The following CX3CR1 variants were observed in gnomAD, a reference collection of about 807,000 sequenced individuals.
The protein encoded by CX3CR1 is CX3C chemokine receptor 1.
For synonymous variants in CX3CR1, 168 were observed against 178.5 expected (o/e 0.94, Z 0.47); for missense variants, 363 against 432.4 (o/e 0.84, Z 1.42).
chr3:39,266,467 C>T lies in CX3CR1; in HGVS notation c.43G>A (p.Asp15Asn), dbSNP rs373233918. 9.3e-6 allele frequency: 15 copies of T among 1,614,102 alleles called. No homozygotes were observed. The highest frequency in any genetic ancestry group is 2.7e-5 in the African/African-American group (2 of 75,044). The change falls in exon 2 of 2, where the codon GAT becomes AAT. Residue 15 changes from aspartate (D) to asparagine (N), a missense_variant. Transcript: ENST00000399220. The stretch of plus-strand genomic sequence containing the variant: ...ATATAACAGGCCTCAGCCAAATCAT[C>T]GTACTCAAAGTTTTCTGTCACTGAT... ...PESVTENFEY[D>N]DLAEACYIGD...
upstream of CX3CR1, chr3:39,280,360 T>A (rs1350837009): frequency 1.0e-5 from 10 of 985,368 alleles, no homozygotes; most frequent in African/African-American, 1.7e-4. Flanking sequence ...CATGGGGCCC[T>A]CAGCTTCCCT....
At chr3:39,276,841 A>T (rs2040846210) in intron 1 of CX3CR1, among the ~76,000 whole-genome samples, 1 of 152,228 alleles carries the variant, frequency 6.6e-6, no homozygotes, top group Non-Finnish European at 1.5e-5. Context: ...AGATTCAGTC[A>T]AACTATAGGG....
chr3:39,268,293 A>G (rs754118968), intron 1 of CX3CR1, among the ~76,000 whole-genome samples: 3 of 152,316 alleles, frequency 2.0e-5, no homozygotes, highest in African/African-American at 7.2e-5. Flanking sequence ...TCAGGCTACA[A>G]TGCCCTTTTC....
upstream of CX3CR1, chr3:39,281,608 C>T (rs2040899850): frequency 7.5e-6 from 12 of 1,598,868 alleles, no homozygotes; most frequent in South Asian, 1.1e-4. Flanking sequence ...TCACCACTTA[C>T]CCCACTGGCC....
upstream of CX3CR1, among the ~76,000 whole-genome samples, chr3:39,283,117 C>G (rs2040918446): frequency 6.6e-6 from 1 of 152,196 alleles, no homozygotes; most frequent in Non-Finnish European, 1.5e-5. Context: ...TCTTGAACTC[C>G]TGAGTTTGAG....
At chr3:39,292,514 T>C in the CX3CR1 span, among the ~76,000 whole-genome samples, 2 of 152,220 alleles carry the variant, frequency 1.3e-5, no homozygotes, top group Non-Finnish European at 2.9e-5. Context: ...TAGGGATGAT[T>C]GTCTCCACTT....
At chr3:39,290,306 T>C in the CX3CR1 span, among the ~76,000 whole-genome samples, 2 of 152,186 alleles carry the variant, frequency 1.3e-5, no homozygotes, top group African/African-American at 4.8e-5. Flanking sequence ...AGAGTCATCA[T>C]TGCTAAAGAA....
chr3:39,275,831 A>G (rs1245109896), intron 1 of CX3CR1, among the ~76,000 whole-genome samples: 1 of 152,164 alleles, frequency 6.6e-6, no homozygotes, highest in African/African-American at 2.4e-5. Flanking sequence ...GCTCAGTAAC[A>G]GAATATAAGA....
upstream of CX3CR1, among the ~76,000 whole-genome samples, chr3:39,282,276 C>T (rs1458266100): frequency 2.0e-5 from 3 of 152,116 alleles, no homozygotes; most frequent in Non-Finnish European, 4.4e-5. Context: ...TCTGGCTCAG[C>T]GCTGGGAATT....
intron 1 of CX3CR1, among the ~76,000 whole-genome samples, chr3:39,269,339 C>T (rs2040745722): frequency 1.3e-5 from 2 of 152,136 alleles, no homozygotes. Context: ...TGCTTGGGCT[C>T]AGGGCTGCCA....
upstream of CX3CR1, chr3:39,280,323 G>C: frequency 1.0e-6 from 1 of 985,480 alleles, no homozygotes; most frequent in Non-Finnish European, 1.2e-6. Context: ...CTCATTAATG[G>C]GGAGCCTTCA....
rs199959056 is a variant in CX3CR1 at position 39,265,467 on chromosome 3, T to C, written c.1043A>G (p.Asp348Gly). ...LSSNFTYHTSDGDALLLL is the reference protein window; with the variant it reads ...LSSNFTYHTSGGDALLLL The stretch of plus-strand genomic sequence containing the variant: ...TCAGAGAAGGAGCAATGCATCTCCA[T>C]CACTCGTGTGGTAAGTAAAATTGCT... Residue 348 changes from aspartate to glycine, a missense_variant, in exon 2 of 2, where the codon GAT becomes GGT. Coordinates refer to ENST00000399220, the MANE Select transcript of CX3CR1 (RefSeq NM_001337.4). 111 of 1,612,334 alleles carry C rather than the reference T, an allele frequency of 6.9e-5. No homozygotes were observed. In the African/African-American group the frequency reaches 1.4e-3, roughly 21 times the overall value.
At chr3:39,284,479 G>T (rs1281928641), upstream of CX3CR1, among the ~76,000 whole-genome samples, 3 of 152,228 alleles carry the variant, frequency 2.0e-5, no homozygotes, top group Admixed American at 2.0e-4. Flanking sequence ...CCTTGTCTAA[G>T]GTCTTAATCA....
intron 1 of CX3CR1, among the ~76,000 whole-genome samples, chr3:39,272,408 G>C (rs1285730058): frequency 6.6e-6 from 1 of 152,054 alleles, no homozygotes; most frequent in Non-Finnish European, 1.5e-5. Context: ...ACTTCCTCTG[G>C]CCTACTTCCT....
At chr3:39,269,959 C>T (rs2040757062) in intron 1 of CX3CR1, among the ~76,000 whole-genome samples, 1 of 152,234 alleles carries the variant, frequency 6.6e-6, no homozygotes, top group Admixed American at 6.5e-5. Flanking sequence ...CATTTTTGAT[C>T]TTCATGTTCA....
intron 1 of CX3CR1, among the ~76,000 whole-genome samples, chr3:39,269,638 G>A (rs2040751502): frequency 6.6e-6 from 1 of 152,188 alleles, no homozygotes; most frequent in African/African-American, 2.4e-5. Context: ...CTGGTTATGG[G>A]CATCCATCTG....
At chr3:39,289,202 T>C in the CX3CR1 span, among the ~76,000 whole-genome samples, 1 of 151,572 alleles carries the variant, frequency 6.6e-6, no homozygotes, top group Non-Finnish European at 1.5e-5. Context: ...GGCATGAGGA[T>C]TAATGGTGAC....
chr3:39,265,494 C>G lies in CX3CR1; in HGVS notation c.1016G>C (p.Ser339Thr). The G allele has an allele frequency of 6.2e-7, 1 of 1,614,164 alleles. No homozygotes were observed. Among genetic ancestry groups the G allele is most frequent in the African/African-American group, 1.3e-5 (1 of 75,044 alleles). ...ACTCGTGTGGTAAGTAAAATTGCTG[C>G]TCAGAACACTTCCATGCCTGCTCCT... is the stretch of plus-strand genomic sequence containing the variant. ...SQRSRHGSVLSSNFTYHTSDG... is the reference protein window; with the variant it reads ...SQRSRHGSVLTSNFTYHTSDG... The change falls in exon 2 of 2, where the codon AGC (serine) becomes ACC (threonine). Residue 339 changes from serine to threonine, a missense_variant. Transcript: ENST00000399220.
chr3:39,270,412 G>T (rs1022197152), intron 1 of CX3CR1, among the ~76,000 whole-genome samples: 1 of 152,232 alleles, frequency 6.6e-6, no homozygotes, highest in Non-Finnish European at 1.5e-5. Flanking sequence ...ACTAGGGACA[G>T]ATCAAAGCAC....
Sources: gnomAD v4.1 joint callset for allele counts (sites outside exome capture counted in the v4.1 genomes callset) on GRCh38, gnomAD v4.1.1 for gene constraint, MANE v1.5 for transcripts, NCBI Gene and HGNC (gene_info 2026-07-23, HGNC 2026-07-21) for gene names.